Variants in DNM2 observed in about 807,000 individuals in gnomAD.
DNM2 encodes the protein dynamin 2.
DNM2 carries 15 observed loss-of-function variants against 99.0 expected under a neutral mutation model. The ratio of observed to expected loss-of-function variants is 0.15; its 90% CI spans 0.10 to 0.23. The LOEUF (loss-of-function observed/expected upper bound fraction) is 0.23. Ranked by LOEUF, DNM2 falls within the 10% of genes least tolerant of loss-of-function variation. The pLI is 1.00. For missense variants in DNM2, 742 were observed against 1,189.4 expected (o/e 0.62, Z 5.53); for synonymous variants, 525 against 481.2 (o/e 1.09, Z -1.19).
intron 16 of DNM2, chr19:10,823,414 A>G (rs563163848): frequency 2.0e-5 from 3 of 152,320 alleles, no homozygotes; most frequent in Non-Finnish European, 2.9e-5. Flanking sequence ...TCAAAAAAAA[A>G]AAATAAATAA....
rs1447417104 is a variant in DNM2 at position 10,786,605 on chromosome 19, T to C, written c.891T>C (p.Arg297=). The C allele has an allele frequency of 1.9e-6, 3 of 1,614,100 alleles. No individual in the cohort carries two copies. The East Asian group carries it at 6.7e-5, about 36-fold the overall frequency. ...TCCGGGAGTCGCTGCCGGCCCTACG[T>C]AGCAAACTACAGAGCCAGCTGCTGT... ...NHIRESLPAL[R]SKLQSQLLSL... The change falls in exon 7 of 21, where the codon CGT becomes CGC. Residue 297 remains arginine (R), a synonymous_variant. Coordinates refer to ENST00000389253, the MANE Select transcript of DNM2 (RefSeq NM_001005361.3).
chr19:10,745,095 A>T (rs1363631538), intron 1 of DNM2, among the ~76,000 whole-genome samples: 1 of 152,124 alleles, frequency 6.6e-6, no homozygotes, highest in Non-Finnish European at 1.5e-5. Context: ...TGCACACCTC[A>T]CATGACCTCA....
intron 1 of DNM2, among the ~76,000 whole-genome samples, chr19:10,718,928 G>T (rs1018259712): frequency 2.6e-5 from 4 of 152,156 alleles, no homozygotes; most frequent in African/African-American, 9.7e-5. Context: ...CCACCTGGCA[G>T]CCCCCTGCTG....
chr19:10,749,620 G>A (rs937436058), intron 1 of DNM2, among the ~76,000 whole-genome samples: 3 of 152,252 alleles, frequency 2.0e-5, no homozygotes, highest in African/African-American at 7.2e-5. Context: ...CACAGCCCAG[G>A]AGGGGCGGAG....
At chr19:10,782,194 C>T (rs564234511) in intron 5 of DNM2, among the ~76,000 whole-genome samples, 11 of 151,856 alleles carry the variant, frequency 7.2e-5, no homozygotes, top group African/African-American at 2.7e-4. Flanking sequence ...TACCACGCCT[C>T]GCTAATTTTT....
chr19:10,736,066 TG>T (rs1179811553), intron 1 of DNM2, among the ~76,000 whole-genome samples: 2 of 151,994 alleles, frequency 1.3e-5, no homozygotes, highest in Non-Finnish European at 2.9e-5. Flanking sequence ...AGTTTGAAAC[TG>T]GCCTGGCCAA....
intron 1 of DNM2, among the ~76,000 whole-genome samples, chr19:10,736,665 T>C (rs996977205): frequency 7.9e-5 from 12 of 152,138 alleles, no homozygotes; most frequent in Admixed American, 6.6e-4. Flanking sequence ...GGTGTGCCAA[T>C]AGTGTTGGGA....
intron 3 of DNM2, among the ~76,000 whole-genome samples, chr19:10,774,897 G>A (rs1201362257): frequency 6.6e-6 from 1 of 151,422 alleles, no homozygotes; most frequent in African/African-American, 2.4e-5. Flanking sequence ...AGTCTCCTGA[G>A]TAGTTAGGAC....
rs536489598 is a variant in DNM2, at chr19:10,758,743, C to T, written c.162-995C>T. On this transcript the variant is annotated intron_variant, in intron 1 of 20. Transcript: ENST00000389253. ...TGTATTTTTAGTAGAGACGGGGTTT[C>T]GCCATGTTGGCCAGGCTGGTCTCAA... is the stretch of plus-strand genomic sequence containing the variant. 5.9e-5 allele frequency among the ~76,000 whole-genome samples: 9 copies of T among 151,668 alleles called. No individual in the cohort carries two copies. The South Asian group carries it at 1.7e-3, about 28-fold the overall frequency.
intron 1 of DNM2, among the ~76,000 whole-genome samples, chr19:10,756,257 C>T (rs1161602669): frequency 6.6e-6 from 1 of 152,086 alleles, no homozygotes; most frequent in Admixed American, 6.5e-5. Flanking sequence ...TTCCCTCAGT[C>T]CCCCTGCTCA....
chr19:10,730,487 A>T (rs2069275954), intron 1 of DNM2, among the ~76,000 whole-genome samples: 1 of 152,010 alleles, frequency 6.6e-6, no homozygotes, highest in South Asian at 2.1e-4. Context: ...TCAAAAAAAA[A>T]AAAGTAGCTA....
At position 10,802,708 on chromosome 19, in the gene DNM2, A is replaced by C. The variant is rs1599583904; in HGVS notation, c.1493+350A>C. On this transcript the variant is annotated intron_variant, in intron 12 of 20. Coordinates refer to ENST00000389253, the MANE Select transcript of DNM2 (RefSeq NM_001005361.3). ...GCGACCAGTGTGCAGCTTTTCCCAG[A>C]CTCTGCCACTTCATGGACAGCATCT... is the stretch of plus-strand genomic sequence containing the variant. 8.1e-6 allele frequency: 3 copies of C among 369,270 alleles called. No individual in the cohort carries two copies. The East Asian group carries it at 1.9e-4, about 23-fold the overall frequency. 22.9% of individuals were successfully genotyped at this position (369,270 alleles called of 1,614,324 possible). A position where few individuals can be genotyped will look rare whatever the true frequency, so the allele number is the denominator to read the frequency against.
At chr19:10,754,894 G>C (rs1440318325) in intron 1 of DNM2, among the ~76,000 whole-genome samples, 1 of 152,152 alleles carries the variant, frequency 6.6e-6, no homozygotes, top group Non-Finnish European at 1.5e-5. Flanking sequence ...TGCAAGTTTT[G>C]ATTTTCTAAT....
chr19:10,781,055 G>A (rs1432952698), intron 5 of DNM2, among the ~76,000 whole-genome samples: 2 of 149,540 alleles, frequency 1.3e-5, no homozygotes, highest in Non-Finnish European at 3.0e-5. Context: ...GTGTGTGATG[G>A]TGCACGTGCC....
chr19:10,761,142 C>T (rs1051046413), intron 2 of DNM2, among the ~76,000 whole-genome samples: 4 of 151,928 alleles, frequency 2.6e-5, no homozygotes, highest in Non-Finnish European at 1.5e-5. Flanking sequence ...GTGTGTGTCA[C>T]CATGTCTGGC....
At chr19:10,807,954 C>A (rs2072408936) in intron 13 of DNM2, among the ~76,000 whole-genome samples, 1 of 150,832 alleles carries the variant, frequency 6.6e-6, no homozygotes, top group Non-Finnish European at 1.5e-5. Flanking sequence ...AACAGCCTGG[C>A]CAACATGGTG....
Position 10,749,626 on chromosome 19 carries a change from C to T in DNM2, c.162-10112C>T, listed in dbSNP as rs184287749. On this transcript the variant is annotated intron_variant, in intron 1 of 20. Coordinates refer to ENST00000389253, the MANE Select transcript of DNM2 (RefSeq NM_001005361.3). ...CCAGGGCCACACAGCCCAGGAGGGG[C>T]GGAGCTCGACTTTGAACCCAGGCTG... Among the ~76,000 whole-genome samples, 231 of 152,318 alleles carry T rather than the reference C, an allele frequency of 1.5e-3. 2 individuals carry two copies. Among genetic ancestry groups the T allele is most frequent in the Admixed American group, 0.011 (169 of 15,292 alleles).
intron 1 of DNM2, among the ~76,000 whole-genome samples, chr19:10,753,379 C>A (rs972156519): frequency 7.0e-6 from 1 of 143,478 alleles, no homozygotes; most frequent in Non-Finnish European, 1.5e-5. Flanking sequence ...TGTACCTTTT[C>A]CTTCCCCTTC....
intron 12 of DNM2, chr19:10,802,627 G>C: frequency 1.9e-6 from 1 of 515,018 alleles, no homozygotes; most frequent in Non-Finnish European, 3.6e-6. Flanking sequence ...GCAGGGAGAG[G>C]GGGAAGCCAG....
Sources: allele counts gnomAD v4.1 joint callset (sites outside exome capture counted in the v4.1 genomes callset), GRCh38; gene constraint gnomAD v4.1.1; transcripts MANE v1.5; gene names NCBI Gene and HGNC (gene_info 2026-07-23, HGNC 2026-07-21).